Variants in TPRG1 observed in about 807,000 individuals in gnomAD.
TPRG1 encodes tumor protein p63 regulated 1.
In TPRG1, 29 loss-of-function variants were observed where a neutral mutation model predicts 29.3. The ratio of observed to expected loss-of-function variants is 0.99; its 90% CI spans 0.74 to 1.35. The LOEUF (loss-of-function observed/expected upper bound fraction) is 1.35. Ranked by LOEUF, TPRG1 falls within the 40% of genes most tolerant of loss-of-function variation. TPRG1 has a pLI of 0.00. For missense variants in TPRG1, 327 were observed against 335.0 expected, an observed-to-expected ratio of 0.98 and a Z score of 0.19; for synonymous variants, 130 against 116.8, an observed-to-expected ratio of 1.11 and a Z score of -0.73.
intron 3 of TPRG1, among the ~76,000 whole-genome samples, chr3:189,145,743 G>A (rs1315360829): frequency 3.3e-5 from 5 of 152,166 alleles, no homozygotes; most frequent in Admixed American, 2.6e-4. Flanking sequence ...TGAAAACAAT[G>A]AAGCAAATCT....
intron 3 of TPRG1, among the ~76,000 whole-genome samples, chr3:189,229,390 C>T (rs762474343): frequency 8.5e-5 from 13 of 152,122 alleles, no homozygotes; most frequent in Non-Finnish European, 1.6e-4. Context: ...AGCCTTTGGC[C>T]GTAGCTGACT....
At chr3:189,080,139 A>G (rs1332459045) in intron 4 of TPRG1, among the ~76,000 whole-genome samples, 1 of 152,250 alleles carries the variant, frequency 6.6e-6, no homozygotes, top group Admixed American at 6.5e-5. Context: ...AAAGATGTTG[A>G]AAGTTATCTA....
At chr3:189,202,712 C>G (rs780612198) in intron 1 of TPRG1, among the ~76,000 whole-genome samples, 1 of 152,100 alleles carries the variant, frequency 6.6e-6, no homozygotes, top group Non-Finnish European at 1.5e-5. Context: ...CTTCTTGTGC[C>G]TAAAGGATTT....
intron 4 of TPRG1, among the ~76,000 whole-genome samples, chr3:189,089,799 A>G (rs1718216676): frequency 6.6e-6 from 1 of 152,194 alleles, no homozygotes; most frequent in Admixed American, 6.5e-5. Context: ...CCACCTTTCA[A>G]TACTGCCCCA....
intron 4 of TPRG1, among the ~76,000 whole-genome samples, chr3:189,299,730 A>G (rs1720542081): frequency 6.6e-6 from 1 of 151,882 alleles, no homozygotes; most frequent in African/African-American, 2.4e-5. Flanking sequence ...AACATGATTT[A>G]GACATCGACC....
In TPRG1 at chr3:189,228,392, T is replaced by TA. The variant is rs201483789; in HGVS notation, c.303-10333dup. On this transcript the variant is annotated intron_variant, in intron 3 of 5. Coordinates refer to ENST00000345063, the MANE Select transcript of TPRG1 (RefSeq NM_198485.4). ...CTTAATAGCAAATATAACACAGTATTAAAAAAAATTGGTGTAAAAAGAATT... is the reference window on the plus strand; with the variant it reads ...CTTAATAGCAAATATAACACAGTATTAAAAAAAAATTGGTGTAAAAAGAATT... 2.5e-3 allele frequency among the ~76,000 whole-genome samples: 386 copies of TA among 151,822 alleles called. 2 individuals carry two copies. The highest frequency in any genetic ancestry group is 8.5e-3 in the African/African-American group (352 of 41,372).
At chr3:189,173,413 C>T (rs375273837) in intron 1 of TPRG1, among the ~76,000 whole-genome samples, 40 of 147,464 alleles carry the variant, frequency 2.7e-4, no homozygotes, top group African/African-American at 9.3e-4. Context: ...GATCTCGGCT[C>T]ACTGCAGCCT....
chr3:189,061,041 A>G (rs1320143855), intron 4 of TPRG1, among the ~76,000 whole-genome samples: 1 of 152,178 alleles, frequency 6.6e-6, no homozygotes. Flanking sequence ...CCCAACTTCA[A>G]ATTATACTAT....
intron 4 of TPRG1, among the ~76,000 whole-genome samples, chr3:189,245,737 T>C (rs181144211): frequency 4.6e-5 from 7 of 152,264 alleles, no homozygotes; most frequent in African/African-American, 1.7e-4. Flanking sequence ...ATTTTTTGTG[T>C]AGTTTTTTAA....
chr3:189,207,497 C>G lies in TPRG1; in HGVS notation c.113C>G (p.Pro38Arg), dbSNP rs2108806004. The G allele has an allele frequency of 6.2e-7, 1 of 1,614,030 alleles. No individual in the cohort carries two copies. The highest frequency in any genetic ancestry group is 8.5e-7 in the Non-Finnish European group (1 of 1,179,968). ...TCGATGGAGGAAGAGGACCCGATGC[C>G]AAGACAGATTTCAAGGCAGTCAAGT... ...HLSMEEEDPM[P>R]RQISRQSSVT... Residue 38 changes from proline to arginine, a missense_variant, in exon 2 of 6, where the codon CCA becomes CGA. Pro to Arg is a moderately radical substitution (Grantham distance 103). Coordinates refer to ENST00000345063, the MANE Select transcript of TPRG1 (RefSeq NM_198485.4).
rs1485805906 is a variant in TPRG1, at chr3:189,091,516, CT to C, written c.-462-35538del. On this transcript the variant is annotated intron_variant, in intron 4 of 10. Coordinates refer to the TPRG1 transcript ENST00000433971. ...CAATACCCCGTTAGTCATTGATATGCTTTCTGCCACTATGGATTAGATTTAT... is the reference window on the plus strand; with the variant it reads ...CAATACCCCGTTAGTCATTGATATGCTTCTGCCACTATGGATTAGATTTAT... Among the ~76,000 whole-genome samples the C allele has an allele frequency of 2.6e-5, 4 of 152,242 alleles. No homozygotes were observed. The East Asian group carries it at 7.7e-4, about 29-fold the overall frequency.
chr3:189,255,644 A>G (rs573690275), intron 4 of TPRG1, among the ~76,000 whole-genome samples: 1 of 152,186 alleles, frequency 6.6e-6, no homozygotes, highest in Non-Finnish European at 1.5e-5. Flanking sequence ...CTGTGAAGCC[A>G]TCTGGTCCTG....
At chr3:189,203,340 T>A (rs1183699689) in intron 1 of TPRG1, among the ~76,000 whole-genome samples, 2 of 152,194 alleles carry the variant, frequency 1.3e-5, no homozygotes, top group East Asian at 1.9e-4. Context: ...TTGGGATTTT[T>A]TTTTTAATGC....
At chr3:189,037,605 T>C (rs1003895533) in intron 4 of TPRG1, among the ~76,000 whole-genome samples, 1 of 151,812 alleles carries the variant, frequency 6.6e-6, no homozygotes, top group African/African-American at 2.4e-5. Context: ...GTTAACCTAG[T>C]ACTAGTGGGA....
intron 5 of TPRG1, among the ~76,000 whole-genome samples, chr3:189,317,505 C>G (rs961358886): frequency 6.6e-6 from 1 of 152,212 alleles, no homozygotes; most frequent in Non-Finnish European, 1.5e-5. Context: ...TTCACTTAAT[C>G]TTTACAACCA....
At chr3:189,184,120 G>A (rs975656589) in intron 1 of TPRG1, among the ~76,000 whole-genome samples, 1 of 152,126 alleles carries the variant, frequency 6.6e-6, no homozygotes, top group African/African-American at 2.4e-5. Context: ...TCTGTTTGGG[G>A]TCCCTGACTT....
At chr3:189,080,534 C>G (rs542223187) in intron 4 of TPRG1, among the ~76,000 whole-genome samples, 27 of 152,204 alleles carry the variant, frequency 1.8e-4, no homozygotes, top group African/African-American at 6.5e-4. Context: ...ACCTTATTCC[C>G]TTGTAGTGAT....
intron 3 of TPRG1, chr3:189,217,816 T>C: frequency 2.0e-6 from 2 of 984,586 alleles, no homozygotes; most frequent in Non-Finnish European, 2.4e-6. Context: ...GGAGCATTCA[T>C]GGAGGATTTA....
In TPRG1 at chr3:189,001,545, C is replaced by T. The variant is rs114188417; in HGVS notation, c.-878+634C>T. ...GGTCTCTTTTAAAAGACACTAATTC[C>T]ATTAATGAGGGCTCCATCTTCATGA... On this transcript the variant is annotated intron_variant, in intron 2 of 10. Transcript: ENST00000433971. 8.4e-3 allele frequency among the ~76,000 whole-genome samples: 1,283 copies of T among 152,242 alleles called. 5 individuals are homozygous for T. Among genetic ancestry groups the T allele is most frequent in the Non-Finnish European group, 0.015 (1,006 of 68,008 alleles).
Sources: gnomAD v4.1 joint callset for allele counts (sites outside exome capture counted in the v4.1 genomes callset) on GRCh38, gnomAD v4.1.1 for gene constraint, MANE v1.5 for transcripts, NCBI Gene and HGNC (gene_info 2026-07-23, HGNC 2026-07-21) for gene names.